CGNL1: variants seen among roughly 807,000 people sequenced by gnomAD.
The protein encoded by CGNL1 is cingulin-like protein 1.
A neutral mutation model predicts 141.2 loss-of-function variants in CGNL1; 132 were observed. The observed-to-expected ratio is 0.93, with a 90% CI of 0.81 to 1.08. The LOEUF is 1.08. Ranked by LOEUF, CGNL1 falls within the 50% of genes least tolerant of loss-of-function variation. The pLI is 0.00. For synonymous variants in CGNL1, 690 were observed against 622.1 expected, an observed-to-expected ratio of 1.11 and a Z score of -1.63; for missense variants, 1,870 against 1,588.6, an observed-to-expected ratio of 1.18 and a Z score of -3.01.
chr15:57,547,698 G>A lies in CGNL1; in HGVS notation c.*208G>A. On this transcript the variant is annotated 3_prime_UTR_variant, in exon 19 of 19. Coordinates refer to ENST00000281282, the MANE Select transcript of CGNL1 (RefSeq NM_032866.5). Reference sequence around the variant, plus strand: ...CTTTTGCAGTTTAAAATGTTGGGATGCCTGAGGACCAGGAGCCACCACCCA... The same window carrying A: ...CTTTTGCAGTTTAAAATGTTGGGATACCTGAGGACCAGGAGCCACCACCCA... 3.7e-6 allele frequency: 2 copies of A among 535,910 alleles called. No individual in the cohort carries two copies. The highest frequency in any genetic ancestry group is 4.8e-4 in the Middle Eastern group (1 of 2,066). The allele number at this position is 535,910 out of a possible 1,614,324, so 33.2% of individuals were successfully genotyped here.
intron 8 of CGNL1, among the ~76,000 whole-genome samples, chr15:57,501,092 A>C (rs888752916): frequency 3.9e-5 from 6 of 152,204 alleles, no homozygotes; most frequent in Non-Finnish European, 7.3e-5. Flanking sequence ...AAGCTGATTA[A>C]TTCAGTAACC....
In CGNL1 at chr15:57,502,634, C is replaced by A. The variant is rs141452213; in HGVS notation, c.2404-14146C>A. On this transcript the variant is annotated intron_variant, in intron 8 of 18. Transcript: ENST00000281282. The stretch of plus-strand genomic sequence containing the variant: ...AGATAATTGCAGAGATGGCTATGAC[C>A]TTAGAGACCTCAGACCAGTGTGCTC... Among the ~76,000 whole-genome samples the A allele has an allele frequency of 3.7e-4, 56 of 152,252 alleles. 3 individuals carry two copies. In the East Asian group the frequency reaches 6.7e-3, roughly 18 times the overall value.
chr15:57,440,314 T>C (rs2063170045), intron 2 of CGNL1, 63 bp from the exon 3 acceptor site: 4 of 1,171,452 alleles, frequency 3.4e-6, no homozygotes, highest in African/African-American at 1.5e-5. Flanking sequence ...GAGGAATTGT[T>C]TGGTGTTTGG....
intron 7 of CGNL1, among the ~76,000 whole-genome samples, chr15:57,458,903 G>A (rs1200254379): frequency 1.3e-5 from 2 of 152,228 alleles, no homozygotes; most frequent in Non-Finnish European, 2.9e-5. Flanking sequence ...ATGCCTGCTA[G>A]TTAGATTCTT....
At chr15:57,510,896 T>C (rs2030238421) in intron 8 of CGNL1, among the ~76,000 whole-genome samples, 1 of 152,180 alleles carries the variant, frequency 6.6e-6, no homozygotes, top group Non-Finnish European at 1.5e-5. Context: ...GCTCTGTTTG[T>C]ACAGCTGCTC....
At chr15:57,378,030 G>A (rs1274938983) in intron 1 of CGNL1, among the ~76,000 whole-genome samples, 1 of 152,142 alleles carries the variant, frequency 6.6e-6, no homozygotes, top group African/African-American at 2.4e-5. Context: ...ACTTATTCTG[G>A]AAGTATGATG....
intron 1 of CGNL1, among the ~76,000 whole-genome samples, chr15:57,405,718 G>A (rs182246487): frequency 1.8e-4 from 27 of 149,208 alleles, no homozygotes; most frequent in East Asian, 4.0e-4. Flanking sequence ...AGAAAAACTC[G>A]CAGAAGGTGT....
chr15:57,512,144 C>T (rs1335838546), intron 8 of CGNL1, among the ~76,000 whole-genome samples: 1 of 152,178 alleles, frequency 6.6e-6, no homozygotes, highest in Non-Finnish European at 1.5e-5. Flanking sequence ...AAAGATGATA[C>T]ATAGATCCAA....
chr15:57,512,383 G>T (rs2030387846), intron 8 of CGNL1, among the ~76,000 whole-genome samples: 1 of 152,172 alleles, frequency 6.6e-6, no homozygotes. Context: ...AGCTGGCCAT[G>T]TGGGGGTGTG....
At chr15:57,491,679 A>C (rs894933997) in intron 8 of CGNL1, among the ~76,000 whole-genome samples, 2 of 152,240 alleles carry the variant, frequency 1.3e-5, no homozygotes, top group African/African-American at 4.8e-5. Flanking sequence ...CCCATGATGT[A>C]GGAAGAACAG....
intron 8 of CGNL1, among the ~76,000 whole-genome samples, chr15:57,486,935 A>T (rs145998128): frequency 6.6e-6 from 1 of 152,326 alleles, no homozygotes; most frequent in African/African-American, 2.4e-5. Context: ...CTTCTTACAG[A>T]TGTCACAATA....
At chr15:57,382,131 G>A (rs1205494308) in intron 1 of CGNL1, among the ~76,000 whole-genome samples, 3 of 152,126 alleles carry the variant, frequency 2.0e-5, no homozygotes, top group South Asian at 2.1e-4. Context: ...TGTGGTACTC[G>A]CGACAAAAAC....
chr15:57,466,707 T>C (rs1218670629), intron 8 of CGNL1, among the ~76,000 whole-genome samples: 6 of 152,182 alleles, frequency 3.9e-5, no homozygotes, highest in African/African-American at 1.4e-4. Flanking sequence ...GTCTTTAGAG[T>C]CCTCAACAAT....
rs371311448 is a variant in CGNL1 at position 57,439,435 on chromosome 15, G to T, written c.1436G>T (p.Ser479Ile). The change falls in exon 2 of 19, where the codon AGT becomes ATT. Residue 479 changes from serine to isoleucine, a missense_variant. Ser to Ile is a moderately radical substitution (Grantham distance 142, BLOSUM62 -2). Transcript: ENST00000281282. ...CTGGAAACCGAAGGTAGTCAGGAAA[G>T]TACAGTGATCCGTGCGCCCTCCCTT... ...KVLETEGSQE[S>I]TVIRAPSLGA... is the part of the protein sequence containing the mutation. 6.2e-7 allele frequency: 1 copy of T among 1,614,098 alleles called. No homozygotes were observed. Among genetic ancestry groups the T allele is most frequent in the Admixed American group, 1.7e-5 (1 of 60,008 alleles).
At chr15:57,394,284 C>T (rs1294410799) in intron 1 of CGNL1, among the ~76,000 whole-genome samples, 1 of 151,700 alleles carries the variant, frequency 6.6e-6, no homozygotes, top group Non-Finnish European at 1.5e-5. Context: ...CCATCAAGCC[C>T]AGCTAATTTT....
chr15:57,452,346 A>G (rs2063332466), intron 6 of CGNL1, 57 bp downstream of exon 6: 3 of 1,516,874 alleles, frequency 2.0e-6, no homozygotes, highest in Non-Finnish European at 1.8e-6. Flanking sequence ...ACATGTAGCT[A>G]GAAACTTTCT....
At chr15:57,452,033 A>T in intron 5 of CGNL1, 108 bp from the exon 6 acceptor site, 1 of 929,072 alleles carries the variant, frequency 1.1e-6, no homozygotes, top group Non-Finnish European at 1.6e-6. Context: ...TAAGTTGTTT[A>T]ATAATGTAAG....
chr15:57,435,749 CAG>C (rs1372221846), intron 1 of CGNL1, among the ~76,000 whole-genome samples: 1 of 152,056 alleles, frequency 6.6e-6, no homozygotes, highest in Non-Finnish European at 1.5e-5. Context: ...CAAGACAGAA[CAG>C]AGAGACAAAA....
chr15:57,494,810 A>T (rs529099157), intron 8 of CGNL1, among the ~76,000 whole-genome samples: 2 of 152,220 alleles, frequency 1.3e-5, no homozygotes, highest in South Asian at 4.1e-4. Context: ...TTCCCTGGAA[A>T]CTCGAGTGTC....
Sources: allele counts gnomAD v4.1 joint callset (sites outside exome capture counted in the v4.1 genomes callset), GRCh38; gene constraint gnomAD v4.1.1; transcripts MANE v1.5; gene names NCBI Gene and HGNC (gene_info 2026-07-23, HGNC 2026-07-21).